Variants in ZNF423 observed in about 807,000 individuals in gnomAD.
ZNF423 encodes the protein Ebf-associated zinc finger protein.
Under a neutral mutation model 95.8 loss-of-function variants are expected in ZNF423, and 12 were observed. The ratio of observed to expected loss-of-function variants is 0.13; its 90% CI spans 0.08 to 0.20. The LOEUF (loss-of-function observed/expected upper bound fraction) is 0.20, where lower values mean the gene tolerates loss of function less well. Ranked by LOEUF, ZNF423 falls within the 10% of genes least tolerant of loss-of-function variation. The probability of loss-of-function intolerance (pLI) is 1.00; values close to 1 mark genes in which losing one functional copy is unlikely to be tolerated. For synonymous variants in ZNF423, 749 were observed against 711.9 expected, an observed-to-expected ratio of 1.05 and a Z score of -0.83; for missense variants, 1,316 against 1,737.1, an observed-to-expected ratio of 0.76 and a Z score of 4.31.
intron 3 of ZNF423, among the ~76,000 whole-genome samples, chr16:49,655,618 G>C (rs1230350149): frequency 1.1e-4 from 17 of 152,154 alleles, no homozygotes; most frequent in Admixed American, 9.2e-4. Context: ...GCACTGAGGG[G>C]GATGGGCGCA....
intron 5 of ZNF423, among the ~76,000 whole-genome samples, chr16:49,581,466 C>T (rs530937311): frequency 6.6e-6 from 1 of 152,310 alleles, no homozygotes; most frequent in African/African-American, 2.4e-5. Flanking sequence ...TATAAGAATA[C>T]TGAAATCTCT....
At chr16:49,802,094 C>A (rs776888795) in intron 1 of ZNF423, among the ~76,000 whole-genome samples, 1 of 152,150 alleles carries the variant, frequency 6.6e-6, no homozygotes, top group Admixed American at 6.5e-5. Context: ...GCAATCCTCC[C>A]GCCTCAGCCT....
chr16:49,621,912 G>T (rs1251956510), intron 5 of ZNF423, among the ~76,000 whole-genome samples: 1 of 152,132 alleles, frequency 6.6e-6, no homozygotes, highest in Non-Finnish European at 1.5e-5. Context: ...CTCACCCCAG[G>T]ACCACACCAG....
intron 6 of ZNF423, among the ~76,000 whole-genome samples, chr16:49,524,954 G>A (rs909135425): frequency 2.6e-5 from 4 of 152,222 alleles, no homozygotes; most frequent in Admixed American, 2.0e-4. Flanking sequence ...GTAGGCCAGG[G>A]AAGGGGGAAC....
intron 1 of ZNF423, among the ~76,000 whole-genome samples, chr16:49,829,501 C>A (rs1597047580): frequency 6.6e-6 from 1 of 152,172 alleles, no homozygotes; most frequent in African/African-American, 2.4e-5. Flanking sequence ...AGCAAAGTGA[C>A]CAAACCTGTG....
At chr16:49,828,733 C>T (rs114459271) in intron 1 of ZNF423, among the ~76,000 whole-genome samples, 2,020 of 152,022 alleles carry the variant, frequency 0.013, 37 homozygotes, top group African/African-American at 0.047. Context: ...TGTGTGGATC[C>T]TTGTACATAC....
chr16:49,787,470 G>A (rs769545512), intron 2 of ZNF423, among the ~76,000 whole-genome samples: 6 of 152,098 alleles, frequency 3.9e-5, no homozygotes, highest in African/African-American at 7.2e-5. Flanking sequence ...GAGTCACAAG[G>A]AGTGTGCATC....
At chr16:49,675,630 T>C (rs767780354) in intron 3 of ZNF423, among the ~76,000 whole-genome samples, 10 of 152,048 alleles carry the variant, frequency 6.6e-5, no homozygotes, top group Non-Finnish European at 1.2e-4. Context: ...TTCTAGTTAA[T>C]TAAAACACAC....
intron 3 of ZNF423, among the ~76,000 whole-genome samples, chr16:49,649,456 T>A (rs935115758): frequency 1.3e-5 from 2 of 152,132 alleles, no homozygotes; most frequent in Non-Finnish European, 2.9e-5. Context: ...TACTATCTCC[T>A]AGTTCGGGTG....
intron 7 of ZNF423, among the ~76,000 whole-genome samples, chr16:49,494,383 G>A (rs1353913010): frequency 6.6e-6 from 1 of 152,232 alleles, no homozygotes; most frequent in Non-Finnish European, 1.5e-5. Context: ...GATGCCCCAA[G>A]GGGACCAGGC....
intron 3 of ZNF423, among the ~76,000 whole-genome samples, chr16:49,710,646 G>T (rs2032515026): frequency 6.6e-6 from 1 of 152,182 alleles, no homozygotes; most frequent in Non-Finnish European, 1.5e-5. Context: ...ATGACAGGTG[G>T]CTCTTAATGG....
chr16:49,589,687 A>G lies in ZNF423; in HGVS notation c.3601+36483T>C, dbSNP rs146830790. 2.0e-5 allele frequency among the ~76,000 whole-genome samples: 3 copies of G among 152,268 alleles called. No homozygotes were observed. The East Asian group carries it at 5.8e-4, about 29-fold the overall frequency. On this transcript the variant is annotated intron_variant, in intron 5 of 7. Coordinates refer to ENST00000563137, the MANE Select transcript of ZNF423 (RefSeq NM_001379286.1). ...AGCCATAGCAAGGCTGATAATTTAA[A>G]TGAAAAAATATATATACAGGCTGCA...
At chr16:49,841,250 G>T (rs1023270835) in intron 1 of ZNF423, among the ~76,000 whole-genome samples, 4 of 152,176 alleles carry the variant, frequency 2.6e-5, no homozygotes, top group African/African-American at 9.7e-5. Context: ...CAGGACAGTG[G>T]CAGCAGCAAG....
chr16:49,772,079 T>C (rs938293158), intron 2 of ZNF423, among the ~76,000 whole-genome samples: 7 of 152,188 alleles, frequency 4.6e-5, no homozygotes, highest in African/African-American at 1.7e-4. Flanking sequence ...CCCTGTGTCA[T>C]CTGCAAGCTG....
intron 1 of ZNF423, among the ~76,000 whole-genome samples, chr16:49,801,493 C>T (rs188754648): frequency 1.4e-3 from 212 of 152,360 alleles, no homozygotes; most frequent in Non-Finnish European, 2.5e-3. Context: ...CTGCCCACCT[C>T]TGAATAAGCA....
intron 3 of ZNF423, among the ~76,000 whole-genome samples, chr16:49,696,979 T>A (rs2031998763): frequency 6.6e-6 from 1 of 152,174 alleles, no homozygotes; most frequent in Non-Finnish European, 1.5e-5. Context: ...CCTCCCACCC[T>A]GTCAAGGAGA....
chr16:49,755,499 T>C (rs2033710032), intron 2 of ZNF423, among the ~76,000 whole-genome samples: 1 of 152,152 alleles, frequency 6.6e-6, no homozygotes, highest in Admixed American at 6.5e-5. Context: ...ACATGGCTAA[T>C]AATGACCCTC....
At chr16:49,832,946 T>C (rs1477654367) in intron 1 of ZNF423, among the ~76,000 whole-genome samples, 2 of 152,268 alleles carry the variant, frequency 1.3e-5, no homozygotes, top group Non-Finnish European at 2.9e-5. Context: ...TGTTGATTTC[T>C]TTCTTTCAAA....
rs1039927464 is a variant in ZNF423, at chr16:49,551,494, C to G, written c.3602-26000G>C. On this transcript the variant is annotated intron_variant, in intron 5 of 7. Coordinates refer to ENST00000563137, the MANE Select transcript of ZNF423 (RefSeq NM_001379286.1). Reference sequence around the variant, plus strand: ...GAATCAATTCCAAGGACTAGAAAAACAATCCCTCAGTGAGAACCTATTCAG... The same window carrying G: ...GAATCAATTCCAAGGACTAGAAAAAGAATCCCTCAGTGAGAACCTATTCAG... Among the ~76,000 whole-genome samples the G allele has an allele frequency of 4.9e-4, 74 of 152,168 alleles. 1 individual carries two copies. The highest frequency in any genetic ancestry group is 1.8e-3 in the African/African-American group (73 of 41,434).
Sources: gnomAD v4.1 joint callset for allele counts (sites outside exome capture counted in the v4.1 genomes callset) on GRCh38, gnomAD v4.1.1 for gene constraint, MANE v1.5 for transcripts, NCBI Gene and HGNC (gene_info 2026-07-23, HGNC 2026-07-21) for gene names.